Variants in PLK3 observed in about 807,000 individuals in gnomAD.
PLK3 encodes polo like kinase 3.
PLK3 carries 41 observed loss-of-function variants against 71.6 expected under a neutral mutation model. That is an observed-to-expected ratio of 0.57 (90% CI 0.45 to 0.74). PLK3 has a LOEUF of 0.74. Ranked by LOEUF, PLK3 falls within the 30% of genes least tolerant of loss-of-function variation. The pLI, the probability that PLK3 is intolerant of heterozygous loss-of-function variation, is 0.00. For synonymous variants in PLK3, 366 were observed against 355.4 expected (o/e 1.03, Z -0.33); for missense variants, 791 against 875.6 (o/e 0.90, Z 1.22).
At chr1:44,804,904 G>C in intron 13 of PLK3, 125 bp downstream of exon 13, 1 of 854,944 alleles carries the variant, frequency 1.2e-6, no homozygotes, top group South Asian at 1.6e-5. Flanking sequence ...AGGAGATCGA[G>C]ACCATCCTGG....
Position 44,800,791 on chromosome 1 carries a change from C to A in PLK3, c.211-49C>A. On this transcript the variant is annotated intron_variant, in intron 1 of 14. Coordinates refer to ENST00000372201, the MANE Select transcript of PLK3 (RefSeq NM_004073.4). The surrounding 1 kb of genome is among the most constrained non-coding windows in gnomAD (Gnocchi z 6.5). The stretch of plus-strand genomic sequence containing the variant: ...CCCCCAACGCGGGGACGCCCGCGGG[C>A]CAGACTCGGCCCCCCTGGAACAACC... 6.4e-7 allele frequency: 1 copy of A among 1,567,996 alleles called. No individual in the cohort carries two copies.
At chr1:44,801,508 G>A (rs371213286) in intron 3 of PLK3, 114 bp from the exon 4 acceptor site, 13 of 1,168,450 alleles carry the variant, frequency 1.1e-5, no homozygotes, top group South Asian at 2.9e-5. Flanking sequence ...ACACCCAGCC[G>A]AGAAGACAGT....
At chr1:44,801,820 G>C (rs1437972494) in intron 4 of PLK3, 25 bp from the exon 5 acceptor site, 4 of 1,611,252 alleles carry the variant, frequency 2.5e-6, no homozygotes, top group African/African-American at 1.3e-5. Flanking sequence ...GAAAGAATCT[G>C]ACACACCTCT....
At position 44,803,741 on chromosome 1, in the gene PLK3, A is replaced by T. The variant is rs369066373; in HGVS notation, c.1164+50A>T. 7.1e-7 allele frequency: 1 copy of T among 1,398,856 alleles called. No homozygotes were observed. Among genetic ancestry groups the T allele is most frequent in the East Asian group, 2.4e-5 (1 of 41,732 alleles). The allele number at this position is 1,398,856 out of a possible 1,614,324, so 86.7% of individuals were successfully genotyped here. On this transcript the variant is annotated intron_variant, in intron 9 of 14. Transcript: ENST00000372201. This position sits in a 1 kb window ranked among gnomAD's most constrained non-coding sequence, Gnocchi z 4.3. ...TCCCCTGACTCACCCCCACCCTAGC[A>T]GCTGAGGGAAGCCGGGGATAAAAGA...
chr1:44,802,519 G>A (rs1651864339), intron 5 of PLK3, among the ~76,000 whole-genome samples: 1 of 152,146 alleles, frequency 6.6e-6, no homozygotes, highest in African/African-American at 2.4e-5. Context: ...TGACCCTAGA[G>A]GAGAGGACTG....
rs1651811668 is a variant in PLK3, at chr1:44,801,038, C to A, written c.321C>A (p.Ile107=). The A allele has an allele frequency of 6.2e-7, 1 of 1,613,158 alleles. No homozygotes were observed. Among genetic ancestry groups the A allele is most frequent in the African/African-American group, 1.3e-5 (1 of 74,868 alleles). ...RVAKPHQREK[I]LNEIELHRDL... is the part of the protein sequence containing the mutation. ...ACGACTCCGCGCCCTCATCGCAGAT[C>A]CTAAATGAGATTGAGCTGCACCGAG... is the stretch of plus-strand genomic sequence containing the variant. The change falls in exon 3 of 15, where the codon ATC becomes ATA. Residue 107 remains isoleucine, a splice_region_variant and synonymous_variant. Transcript: ENST00000372201.
chr1:44,804,480 T>A lies in PLK3; in HGVS notation c.1484T>A (p.Met495Lys). The A allele has an allele frequency of 6.2e-7, 1 of 1,614,208 alleles. No homozygotes were observed. The highest frequency in any genetic ancestry group is 8.5e-7 in the Non-Finnish European group (1 of 1,180,014). Residue 495 changes from methionine (M) to lysine (K), a missense_variant, in exon 12 of 15, where the codon ATG (methionine) becomes AAG (lysine). Coordinates refer to ENST00000372201, the MANE Select transcript of PLK3 (RefSeq NM_004073.4). ...GTGCTCTTCAACGATGGCACACATA[T>A]GGCCCTGTCGGCCAACAGAAAGTAA... is the stretch of plus-strand genomic sequence containing the variant. ...VAVLFNDGTH[M>K]ALSANRKTVH...
chr1:44,801,970 A>T, intron 5 of PLK3, 38 bp downstream of exon 5: 1 of 1,473,546 alleles, frequency 6.8e-7, no homozygotes, highest in South Asian at 1.2e-5. Context: ...TGTGATACAG[A>T]TGACATGCGT....
At position 44,800,391 on chromosome 1, in the gene PLK3, C is replaced by T. The variant is rs1651780644; in HGVS notation, c.-73C>T. On this transcript the variant is annotated 5_prime_UTR_variant, in exon 1 of 15. Transcript: ENST00000372201. This position sits in a 1 kb window ranked among gnomAD's most constrained non-coding sequence, Gnocchi z 6.5. ...TGGGCGCCAGCGCAGCGTAGCAAAT[C>T]CAGGCAGCGCCACGCGCGGCCGGGG... 2 of 1,233,844 alleles carry T rather than the reference C, an allele frequency of 1.6e-6. No homozygotes were observed. The highest frequency in any genetic ancestry group is 4.4e-5 in the Admixed American group (1 of 22,504). 76.4% of individuals were successfully genotyped at this position (1,233,844 alleles called of 1,614,324 possible).
rs943280168 is a variant in PLK3 at position 44,804,099 on chromosome 1, C to A, written c.1259-64C>A. The A allele has an allele frequency of 3.9e-6, 6 of 1,540,354 alleles. No individual in the cohort carries two copies. The African/African-American group carries it at 4.1e-5, about 11-fold the overall frequency. ...TCAGGGGCGAGAGGGAAGGAGTGGG[C>A]AGAGGGGCCTGGCCTGGGTCCTGGG... On this transcript the variant is annotated intron_variant, in intron 10 of 14. Coordinates refer to ENST00000372201, the MANE Select transcript of PLK3 (RefSeq NM_004073.4).
intron 13 of PLK3, 109 bp from the exon 14 acceptor site, chr1:44,805,157 C>T: frequency 1.3e-6 from 1 of 748,936 alleles, no homozygotes; most frequent in Non-Finnish European, 2.4e-6. Context: ...CCCTCTGATT[C>T]CCCCTTGGTG....
chr1:44,800,844 G>A lies in PLK3; in HGVS notation c.215G>A (p.Gly72Asp). 1 of 1,608,948 alleles carries A rather than the reference G, an allele frequency of 6.2e-7. No homozygotes were observed. The highest frequency in any genetic ancestry group is 8.5e-7 in the Non-Finnish European group (1 of 1,178,988). ...YLKGRLLGKG[G>D]FARCYEATDT... The stretch of plus-strand genomic sequence containing the variant: ...CCTGATGCCCCCTCTTCACAGGGGG[G>A]CTTCGCCCGCTGCTACGAGGCCACT... Residue 72 changes from glycine to aspartate, a missense_variant, in exon 2 of 15, where the codon GGC becomes GAC. Transcript: ENST00000372201. The surrounding 1 kb of genome is among the most constrained non-coding windows in gnomAD (Gnocchi z 6.5).
At chr1:44,805,440 C>A in intron 14 of PLK3, 47 bp from the exon 15 acceptor site, 1 of 1,608,612 alleles carries the variant, frequency 6.2e-7, no homozygotes, top group African/African-American at 1.3e-5. Flanking sequence ...GGGGAGGAAG[C>A]TGGGCCCGGA....
rs1291300951 is a variant in PLK3 at position 44,803,546 on chromosome 1, G to A, written c.1073-54G>A. 1.6e-5 allele frequency: 26 copies of A among 1,581,034 alleles called. No homozygotes were observed. The highest frequency in any genetic ancestry group is 6.7e-5 in the South Asian group (6 of 89,890). ...GGCCAATCTCTGTGTCATCCCTGTC[G>A]GAAGTGGAGGGGCTGGGCAGGATAC... On this transcript the variant is annotated intron_variant, in intron 8 of 14. Coordinates refer to ENST00000372201, the MANE Select transcript of PLK3 (RefSeq NM_004073.4). The surrounding 1 kb of genome is among the most constrained non-coding windows in gnomAD (Gnocchi z 4.3).
chr1:44,805,736 G>A lies in PLK3; in HGVS notation c.*58G>A. 6.5e-7 allele frequency: 1 copy of A among 1,544,332 alleles called. No homozygotes were observed. The highest frequency in any genetic ancestry group is 1.8e-5 in the Admixed American group (1 of 56,448). On this transcript the variant is annotated 3_prime_UTR_variant, in exon 15 of 15. Transcript: ENST00000372201. ...GTCAGGCTCTGGCCCTTGCCTTTGT[G>A]GCCTTCCCCCTTCCTTTGGTGCCTC... is the stretch of plus-strand genomic sequence containing the variant.
intron 3 of PLK3, among the ~76,000 whole-genome samples, chr1:44,801,388 T>C (rs754997649): frequency 6.6e-6 from 1 of 151,928 alleles, no homozygotes; most frequent in Non-Finnish European, 1.5e-5. Flanking sequence ...TTTTGTATTT[T>C]TAGTAGAGAC....
At position 44,803,359 on chromosome 1, in the gene PLK3, T is replaced by C; in HGVS notation, c.1040T>C (p.Val347Ala). 2 of 1,614,094 alleles carry C rather than the reference T, an allele frequency of 1.2e-6. No homozygotes were observed. The highest frequency in any genetic ancestry group is 1.7e-6 in the Non-Finnish European group (2 of 1,180,018). The change falls in exon 8 of 15, where the codon GTT becomes GCT. Residue 347 changes from valine (V) to alanine (A), a missense_variant. Transcript: ENST00000372201. This position sits in a 1 kb window ranked among gnomAD's most constrained non-coding sequence, Gnocchi z 4.3. ...CCAGCTAGGAGTCTGTTTGCCAAAG[T>C]TACCAAGAGCCTCTTTGGCAGAAAG... ...PNPARSLFAK[V>A]TKSLFGRKKK...
At chr1:44,801,579 G>A (rs1651831200) in intron 3 of PLK3, 43 bp from the exon 4 acceptor site, 3 of 1,599,782 alleles carry the variant, frequency 1.9e-6, no homozygotes. Flanking sequence ...AGGGGGAGGG[G>A]GAGGGAGGGC....
chr1:44,805,112 A>T (rs560995299), intron 13 of PLK3, 154 bp from the exon 14 acceptor site: 3 of 610,002 alleles, frequency 4.9e-6, no homozygotes, highest in African/African-American at 3.7e-5. Context: ...TCTCAAAAAA[A>T]AAAAATAAAG....
Sources: gnomAD v4.1 joint callset for allele counts (sites outside exome capture counted in the v4.1 genomes callset) on GRCh38, gnomAD v4.1.1 for gene constraint, Gnocchi (gnomAD v3.1) non-coding constraint, MANE v1.5 for transcripts, NCBI Gene and HGNC (gene_info 2026-07-23, HGNC 2026-07-21) for gene names.